Variants in UPF2 observed in about 807,000 individuals in gnomAD.
The protein encoded by UPF2 is regulator of nonsense transcripts 2.
In UPF2, 17 loss-of-function variants were observed where a neutral mutation model predicts 141.4. The ratio of observed to expected loss-of-function variants is 0.12; its 90% CI spans 0.08 to 0.18. The LOEUF is 0.18. Ranked by LOEUF, UPF2 falls within the 10% of genes least tolerant of loss-of-function variation. UPF2 has a pLI of 1.00. For missense variants in UPF2, 1,152 were observed against 1,515.9 expected (o/e 0.76, Z 3.99); for synonymous variants, 540 against 498.0 (o/e 1.08, Z -1.12).
chr10:12,024,954 A>C (rs532603310), intron 3 of UPF2, among the ~76,000 whole-genome samples: 95 of 150,770 alleles, frequency 6.3e-4, no homozygotes, highest in African/African-American at 2.2e-3. Context: ...AAAAAAAAAA[A>C]AAACACAGCT....
intron 18 of UPF2, among the ~76,000 whole-genome samples, chr10:11,937,650 G>C (rs771341839): frequency 4.6e-4 from 70 of 152,156 alleles, no homozygotes; most frequent in Non-Finnish European, 8.7e-4. Context: ...TGATGAATGA[G>C]CAGCAAAGAG....
intron 3 of UPF2, among the ~76,000 whole-genome samples, chr10:12,020,466 G>T (rs1834298775): frequency 6.6e-6 from 1 of 152,052 alleles, no homozygotes; most frequent in Non-Finnish European, 1.5e-5. Context: ...GGTCAGGCTG[G>T]TCTCGAATTC....
At chr10:11,990,678 CAAAA>C (rs10650923) in intron 8 of UPF2, among the ~76,000 whole-genome samples, 1 of 98,028 alleles carries the variant, frequency 1.0e-5, no homozygotes, top group Non-Finnish European at 1.9e-5. Context: ...GACTCTGTCT[CAAAA>C]AAAAAAAAAA....
intron 13 of UPF2, 146 bp from the exon 14 acceptor site, chr10:11,955,653 A>C: frequency 1.3e-6 from 1 of 799,186 alleles, no homozygotes; most frequent in Non-Finnish European, 1.9e-6. Context: ...TAAACTGGTT[A>C]CTTCTAGGTG....
intron 4 of UPF2, among the ~76,000 whole-genome samples, chr10:12,009,701 G>C (rs1004035619): frequency 1.3e-5 from 2 of 152,188 alleles, no homozygotes; most frequent in Non-Finnish European, 2.9e-5. Context: ...CAGTCTCCCT[G>C]AGTTGAGGAT....
intron 21 of UPF2, 70 bp downstream of exon 21, chr10:11,929,795 G>C (rs1459277038): frequency 2.6e-6 from 4 of 1,549,560 alleles, no homozygotes; most frequent in Non-Finnish European, 3.5e-6. Context: ...CTATAATCCA[G>C]AATTCCCTAA....
intron 8 of UPF2, among the ~76,000 whole-genome samples, chr10:11,982,835 G>GGAGA (rs1833621659): frequency 6.6e-6 from 1 of 152,060 alleles, no homozygotes; most frequent in Non-Finnish European, 1.5e-5. Flanking sequence ...GGTCAGGCTG[G>GGAGA]TCTTGAACTC....
At chr10:11,989,894 C>T (rs1220000751) in intron 8 of UPF2, among the ~76,000 whole-genome samples, 1 of 152,144 alleles carries the variant, frequency 6.6e-6, no homozygotes, top group African/African-American at 2.4e-5. Context: ...GCCCACCAAA[C>T]CCAGAGGACT....
rs1833200371 is a variant in UPF2 at position 11,959,137 on chromosome 10, T to C, written c.2370+34A>G. ...GCTTAGCACTACCACAAATCTCACG[T>C]TAACTATTAACTGCATGATTTCATA... On this transcript the variant is annotated intron_variant, in intron 12 of 21. Transcript: ENST00000357604. The surrounding 1 kb of genome is among the most constrained non-coding windows in gnomAD (Gnocchi z 5.9). The C allele has an allele frequency of 6.5e-7, 1 of 1,538,642 alleles. No homozygotes were observed. Among genetic ancestry groups the C allele is most frequent in the Non-Finnish European group, 8.7e-7 (1 of 1,149,292 alleles).
Position 11,959,822 on chromosome 10 carries a change from T to C in UPF2, c.2185-466A>G, listed in dbSNP as rs1372655808. Among the ~76,000 whole-genome samples, 1 of 152,126 alleles carries C rather than the reference T, an allele frequency of 6.6e-6. No individual in the cohort carries two copies. Among genetic ancestry groups the C allele is most frequent in the Admixed American group, 6.6e-5 (1 of 15,262 alleles). ...GTGAGACAAAAACAATCAACAGGCA[T>C]ATCAAAGAGCATGTAAGCATACTAA... is the stretch of plus-strand genomic sequence containing the variant. On this transcript the variant is annotated intron_variant, in intron 11 of 21. Transcript: ENST00000357604. This position sits in a 1 kb window ranked among gnomAD's most constrained non-coding sequence, Gnocchi z 5.9.
chr10:11,970,229 A>T (rs1047737295), intron 9 of UPF2, among the ~76,000 whole-genome samples: 4 of 152,238 alleles, frequency 2.6e-5, no homozygotes, highest in Non-Finnish European at 4.4e-5. Flanking sequence ...ACAAAAGAAG[A>T]TTATACAACT....
At chr10:12,036,527 A>T (rs1049362030) in intron 1 of UPF2, among the ~76,000 whole-genome samples, 2 of 152,230 alleles carry the variant, frequency 1.3e-5, no homozygotes, top group African/African-American at 4.8e-5. Flanking sequence ...TTCCACAGAA[A>T]GTTCTATTGG....
At chr10:11,996,876 T>C (rs1833872800) in intron 8 of UPF2, among the ~76,000 whole-genome samples, 1 of 152,234 alleles carries the variant, frequency 6.6e-6, no homozygotes, top group Non-Finnish European at 1.5e-5. Flanking sequence ...CATCAATGAA[T>C]GAACCACATT....
At chr10:11,986,729 G>A (rs942752659) in intron 8 of UPF2, among the ~76,000 whole-genome samples, 2 of 152,116 alleles carry the variant, frequency 1.3e-5, no homozygotes, top group Non-Finnish European at 2.9e-5. Flanking sequence ...CTCTGAAATC[G>A]ACAACCAAAT....
At position 11,973,842 on chromosome 10, in the gene UPF2, T is replaced by G. The variant is rs545112203; in HGVS notation, c.1953+5215A>C. On this transcript the variant is annotated intron_variant, in intron 9 of 21. Coordinates refer to ENST00000357604, the MANE Select transcript of UPF2 (RefSeq NM_015542.4). ...ATGATGCCTCTAACTTTGTTCTTTT[T>G]GCTTAGGATTGTCTTGGCAATGCGG... is the stretch of plus-strand genomic sequence containing the variant. Among the ~76,000 whole-genome samples, 35 of 152,310 alleles carry G rather than the reference T, an allele frequency of 2.3e-4. No homozygotes were observed. In the South Asian group the frequency reaches 6.2e-3, roughly 27 times the overall value.
intron 15 of UPF2, 112 bp from the exon 16 acceptor site, chr10:11,948,620 T>C: frequency 8.2e-7 from 1 of 1,221,500 alleles, no homozygotes; most frequent in Non-Finnish European, 1.1e-6. Context: ...ACAGCCATTT[T>C]CTCAGAACAA....
At chr10:11,969,713 TCGAG>T (rs1833383725) in intron 9 of UPF2, among the ~76,000 whole-genome samples, 1 of 152,212 alleles carries the variant, frequency 6.6e-6, no homozygotes, top group African/African-American at 2.4e-5. Flanking sequence ...TTTCTGAGCT[TCGAG>T]GATTGATTGA....
chr10:11,961,253 T>C (rs1330318640), intron 11 of UPF2, among the ~76,000 whole-genome samples: 2 of 152,094 alleles, frequency 1.3e-5, no homozygotes, highest in Non-Finnish European at 2.9e-5. Context: ...TCAACTACTA[T>C]TCTTTTCAAT....
intron 4 of UPF2, among the ~76,000 whole-genome samples, chr10:12,005,232 C>T (rs529186406): frequency 6.6e-6 from 1 of 152,148 alleles, no homozygotes; most frequent in African/African-American, 2.4e-5. Context: ...TTGGCATAAT[C>T]CTTGGCACAT....
Sources: gnomAD v4.1 joint callset for allele counts (sites outside exome capture counted in the v4.1 genomes callset) on GRCh38, gnomAD v4.1.1 for gene constraint, Gnocchi (gnomAD v3.1) non-coding constraint, MANE v1.5 for transcripts, NCBI Gene and HGNC (gene_info 2026-07-23, HGNC 2026-07-21) for gene names.